The following NRG2 variants were observed in gnomAD, a reference collection of about 807,000 sequenced individuals.
NRG2 encodes the protein neuregulin 2.
In NRG2, 27 loss-of-function variants were observed where a neutral mutation model predicts 73.9. The observed-to-expected ratio is 0.37, with a 90% CI of 0.27 to 0.50. The LOEUF is 0.50. Ranked by LOEUF, NRG2 falls within the 20% of genes least tolerant of loss-of-function variation. The probability of loss-of-function intolerance (pLI) is 0.96; values close to 1 mark genes in which losing one functional copy is unlikely to be tolerated. For synonymous variants in NRG2, 532 were observed against 541.0 expected, an observed-to-expected ratio of 0.98 and a Z score of 0.23; for missense variants, 1,126 against 1,210.1, an observed-to-expected ratio of 0.93 and a Z score of 1.03.
At chr5:139,867,797 T>TGTGTGTG (rs59687459) in intron 4 of NRG2, among the ~76,000 whole-genome samples, 14 of 101,880 alleles carry the variant, frequency 1.4e-4, no homozygotes, top group South Asian at 3.4e-4. Flanking sequence ...TGTGTGTGTG[T>TGTGTGTG]ATGAGTGTGT....
chr5:139,939,591 A>G (rs1185211197), intron 1 of NRG2, among the ~76,000 whole-genome samples: 3 of 152,132 alleles, frequency 2.0e-5, no homozygotes, highest in Non-Finnish European at 4.4e-5. Flanking sequence ...CTTAAATAGG[A>G]GTCAAAATGT....
chr5:139,855,087 C>A (rs918751847), intron 6 of NRG2, among the ~76,000 whole-genome samples: 1 of 152,192 alleles, frequency 6.6e-6, no homozygotes, highest in Non-Finnish European at 1.5e-5. Context: ...CAAGGTTCTG[C>A]CCCTACCTCT....
chr5:139,873,106 A>C (rs1762964872), intron 3 of NRG2, among the ~76,000 whole-genome samples: 1 of 152,178 alleles, frequency 6.6e-6, no homozygotes, highest in Non-Finnish European at 1.5e-5. Context: ...CGGATGGAGC[A>C]CAGGGGGCTG....
chr5:139,962,506 G>T (rs184334171), intron 1 of NRG2, among the ~76,000 whole-genome samples: 1 of 152,270 alleles, frequency 6.6e-6, no homozygotes, highest in Admixed American at 6.5e-5. Context: ...GGTCTGACAA[G>T]GTTTACAAGG....
Position 140,042,838 on chromosome 5 carries a change from C to T in NRG2, c.232G>A (p.Ala78Thr). Reference sequence around the variant, plus strand: ...CGCGAACGGGCGGCGGCTCTCCGGGCTGCGGGGCTGCGGGGCTGCGGCTGT... The same window carrying T: ...CGCGAACGGGCGGCGGCTCTCCGGGTTGCGGGGCTGCGGGGCTGCGGCTGT... ...QQQPQPRSPAARRAAARSRAA... is the reference protein window; with the variant it reads ...QQQPQPRSPATRRAAARSRAA... Residue 78 changes from alanine (A) to threonine (T), a missense_variant, in exon 1 of 10, where the codon GCC (alanine) becomes ACC (threonine). Ala to Thr is a moderately conservative substitution (Grantham distance 58). Transcript: ENST00000361474. The T allele has an allele frequency of 1.4e-6, 2 of 1,472,064 alleles. No individual in the cohort carries two copies. The highest frequency in any genetic ancestry group is 2.2e-4 in the Middle Eastern group (1 of 4,594). The allele number at this position is 1,472,064 out of a possible 1,614,324, so 91.2% of individuals were successfully genotyped here.
chr5:139,896,412 T>A (rs1764545208), intron 1 of NRG2, among the ~76,000 whole-genome samples: 1 of 152,140 alleles, frequency 6.6e-6, no homozygotes, highest in Non-Finnish European at 1.5e-5. Flanking sequence ...CCAGAGGCCC[T>A]GTCTCCTTCC....
chr5:139,936,070 A>G (rs1016033752), intron 1 of NRG2, among the ~76,000 whole-genome samples: 2 of 152,086 alleles, frequency 1.3e-5, no homozygotes, highest in African/African-American at 4.8e-5. Flanking sequence ...AAACTCTTAT[A>G]TGAGAAAAGA....
chr5:139,877,407 T>A (rs1763253281), intron 3 of NRG2, among the ~76,000 whole-genome samples: 1 of 152,246 alleles, frequency 6.6e-6, no homozygotes, highest in Non-Finnish European at 1.5e-5. Context: ...TACCCTCTTC[T>A]AGCTGCCCTA....
intron 1 of NRG2, among the ~76,000 whole-genome samples, chr5:139,918,666 T>A (rs765543336): frequency 3.9e-5 from 6 of 152,088 alleles, no homozygotes; most frequent in Admixed American, 3.3e-4. Context: ...GCGTGAGCTA[T>A]TTAGACAGGT....
chr5:139,872,784 G>T (rs559156534), intron 3 of NRG2, among the ~76,000 whole-genome samples: 1 of 152,324 alleles, frequency 6.6e-6, no homozygotes, highest in African/African-American at 2.4e-5. Flanking sequence ...ATCAGGGAAT[G>T]GCATCCAGAA....
rs1260059493 is a variant in NRG2, at chr5:139,851,596, G to A, written c.1772+8C>T. On this transcript the variant is annotated splice_region_variant and intron_variant, in intron 9 of 9. Coordinates refer to ENST00000361474, the MANE Select transcript of NRG2 (RefSeq NM_004883.3). This position sits in a 1 kb window ranked among gnomAD's most constrained non-coding sequence, Gnocchi z 4.2. ...AAGCGGGGAATAGGTCAGGGGGTAG[G>A]AACTGACCTCTCGCTGTGTGGGGAG... 1.9e-6 allele frequency: 3 copies of A among 1,612,740 alleles called. No individual in the cohort carries two copies. The highest frequency in any genetic ancestry group is 3.3e-5 in the Admixed American group (2 of 59,994).
At chr5:139,909,343 G>A (rs1765444060) in intron 1 of NRG2, among the ~76,000 whole-genome samples, 1 of 152,176 alleles carries the variant, frequency 6.6e-6, no homozygotes, top group Non-Finnish European at 1.5e-5. Context: ...CCCTACCTGA[G>A]ACTTTGGGAC....
rs34122778 is a variant in NRG2 at position 140,029,687 on chromosome 5, C to CAAAA, written c.700+12679_700+12682dup. ...TGGGTGACAGAGCAAGACTCTGTCTCAAAAAAAAAAAAAAAAGCTCCAGCG... is the reference window on the plus strand; with the variant it reads ...TGGGTGACAGAGCAAGACTCTGTCTCAAAAAAAAAAAAAAAAAAAAGCTCCAGCG... On this transcript the variant is annotated intron_variant, in intron 1 of 9. Transcript: ENST00000361474. Among the ~76,000 whole-genome samples, 167 of 61,308 alleles carry CAAAA rather than the reference C, an allele frequency of 2.7e-3. 9 individuals are homozygous for CAAAA. The highest frequency in any genetic ancestry group is 8.2e-3 in the African/African-American group (152 of 18,478). 40.2% of individuals were successfully genotyped at this position (61,308 alleles called of 152,430 possible).
chr5:139,883,578 T>C (rs1224387858), intron 2 of NRG2, among the ~76,000 whole-genome samples: 1 of 151,576 alleles, frequency 6.6e-6, no homozygotes, highest in Non-Finnish European at 1.5e-5. Flanking sequence ...TGCTAGGAGG[T>C]AGGGGAGCCA....
chr5:139,965,836 G>A (rs531983132), intron 1 of NRG2, among the ~76,000 whole-genome samples: 11 of 152,276 alleles, frequency 7.2e-5, no homozygotes, highest in African/African-American at 1.9e-4. Flanking sequence ...GTATGGATGT[G>A]GGGCTCACAG....
At chr5:139,924,519 C>T (rs953214054) in intron 1 of NRG2, among the ~76,000 whole-genome samples, 32 of 152,182 alleles carry the variant, frequency 2.1e-4, no homozygotes, top group African/African-American at 7.7e-4. Flanking sequence ...TTCTTGGTTT[C>T]ACATAATAAT....
chr5:139,953,172 G>A (rs1754355921), intron 1 of NRG2, among the ~76,000 whole-genome samples: 1 of 152,178 alleles, frequency 6.6e-6, no homozygotes, highest in South Asian at 2.1e-4. Context: ...CCGCCCTTGT[G>A]CTTGTGAAGA....
rs1378092405 is a variant in NRG2, at chr5:140,042,895, G to C, written c.175C>G (p.Pro59Ala). 1 of 1,526,732 alleles carries C rather than the reference G, an allele frequency of 6.5e-7. No homozygotes were observed. 94.6% of individuals were successfully genotyped at this position (1,526,732 alleles called of 1,614,324 possible). A position where few individuals can be genotyped will look rare whatever the true frequency, so the allele number is the denominator to read the frequency against. The change falls in exon 1 of 10, where the codon CCC becomes GCC. Residue 59 changes from proline (P) to alanine (A), a missense_variant. Pro to Ala is a conservative substitution (Grantham distance 27, BLOSUM62 -1). This residue lies in a region of NRG2 where 185 missense variants were observed against 149.0 expected (regional missense o/e 1.24). Coordinates refer to ENST00000361474, the MANE Select transcript of NRG2 (RefSeq NM_004883.3). ...SSSNNSSISR[P>A]AAPPEPRPQQ... ...GGCCGCGGCTCTGGGGGCGCAGCGG[G>C]ACGAGAGATGCTGCTGTTGTTGCTG...
rs951123888 is a variant in NRG2 at position 139,954,636 on chromosome 5, C to A, written c.701-67125G>T. 6.6e-6 allele frequency among the ~76,000 whole-genome samples: 1 copy of A among 152,218 alleles called. No individual in the cohort carries two copies. The highest frequency in any genetic ancestry group is 2.4e-5 in the African/African-American group (1 of 41,462). On this transcript the variant is annotated intron_variant, in intron 1 of 9. Coordinates refer to ENST00000361474, the MANE Select transcript of NRG2 (RefSeq NM_004883.3). The surrounding 1 kb of genome is among the most constrained non-coding windows in gnomAD (Gnocchi z 5.0). Reference sequence around the variant, plus strand: ...ACTCCCATGGCTCTCCAGGCCAAGCCCTCCACCCCAGCGACTCTCCGCAGA... The same window carrying A: ...ACTCCCATGGCTCTCCAGGCCAAGCACTCCACCCCAGCGACTCTCCGCAGA...
Sources: allele counts gnomAD v4.1 joint callset (sites outside exome capture counted in the v4.1 genomes callset), GRCh38; gene constraint gnomAD v4.1.1; regional missense constraint gnomAD v4.1.1; non-coding constraint Gnocchi (gnomAD v3.1); transcripts MANE v1.5; gene names NCBI Gene and HGNC (gene_info 2026-07-23, HGNC 2026-07-21).